The following ZNF12 variants were observed in gnomAD, a reference collection of about 807,000 sequenced individuals.
The protein encoded by ZNF12 is gonadotropin inducible transcription repressor 3.
ZNF12 carries 34 observed loss-of-function variants against 66.6 expected under a neutral mutation model. That is an observed-to-expected ratio of 0.51 (90% CI 0.39 to 0.68). ZNF12 has a LOEUF of 0.68. ZNF12 is among the 30% of genes least tolerant of loss of function. The pLI, the probability that ZNF12 is intolerant of heterozygous loss-of-function variation, is 0.00. For missense variants in ZNF12, 697 were observed against 826.9 expected (o/e 0.84, Z 1.93); for synonymous variants, 320 against 278.9 (o/e 1.15, Z -1.47).
rs934375400 is a variant in ZNF12, at chr7:6,698,126, C to T, written c.16-315G>A. The T allele has an allele frequency of 1.8e-6, 1 of 541,282 alleles. No individual in the cohort carries two copies. The highest frequency in any genetic ancestry group is 3.5e-6 in the Non-Finnish European group (1 of 285,342). 33.5% of individuals were successfully genotyped at this position (541,282 alleles called of 1,614,324 possible). ...AGGAGCACAGGCCTGGGGACACTCA[C>T]AGAACCCCAGGATGCACTCTGCTTC... On this transcript the variant is annotated intron_variant, in intron 2 of 4. Coordinates refer to ENST00000405858, the MANE Select transcript of ZNF12 (RefSeq NM_016265.4). The surrounding 1 kb of genome is among the most constrained non-coding windows in gnomAD (Gnocchi z 4.4).
Position 6,691,991 on chromosome 7 carries a change from T to C in ZNF12, c.951A>G (p.Arg317=), listed in dbSNP as rs1780076741. The stretch of plus-strand genomic sequence containing the variant: ...CATAGGGCTTCTCCCCTGTGTGTGT[T>C]CTCTGATGCACAGTAAGGGTTCCCT... ...CQKGTLTVHQ[R]THTGEKPYEC... Residue 317 remains arginine, a synonymous_variant, in exon 5 of 5, where the codon AGA becomes AGG. Transcript: ENST00000405858. 1 of 1,613,914 alleles carries C rather than the reference T, an allele frequency of 6.2e-7. No individual in the cohort carries two copies. The highest frequency in any genetic ancestry group is 8.5e-7 in the Non-Finnish European group (1 of 1,180,002).
intron 4 of ZNF12, among the ~76,000 whole-genome samples, chr7:6,694,981 T>C (rs760359687): frequency 7.2e-5 from 11 of 152,156 alleles, no homozygotes; most frequent in Non-Finnish European, 1.2e-4. Flanking sequence ...TGGAGTGCAG[T>C]GGTGCGATCT....
rs114915796 is a variant in ZNF12, at chr7:6,703,258, C to T, written c.15+1901G>A. Among the ~76,000 whole-genome samples the T allele has an allele frequency of 7.8e-3, 1,184 of 152,196 alleles. 13 individuals carry two copies. Among genetic ancestry groups the T allele is most frequent in the African/African-American group, 0.026 (1,074 of 41,518 alleles). ...AAGTGCTTTTCCCATGGGGGAAGCA[C>T]GATATGATGAACACTTCAGGAGAAA... is the stretch of plus-strand genomic sequence containing the variant. On this transcript the variant is annotated intron_variant, in intron 2 of 4. Coordinates refer to ENST00000405858, the MANE Select transcript of ZNF12 (RefSeq NM_016265.4).
In ZNF12 at chr7:6,696,398, A is replaced by T. The variant is rs1489875541; in HGVS notation, c.238+941T>A. 6.6e-6 allele frequency among the ~76,000 whole-genome samples: 1 copy of T among 152,218 alleles called. No homozygotes were observed. The highest frequency in any genetic ancestry group is 1.5e-5 in the Non-Finnish European group (1 of 68,032). On this transcript the variant is annotated intron_variant, in intron 4 of 4. Transcript: ENST00000405858. This position sits in a 1 kb window ranked among gnomAD's most constrained non-coding sequence, Gnocchi z 4.0. Reference sequence around the variant, plus strand: ...TATAATTTGGAATAGGTCATGATCAATTTCCAGGCCTGATGAGAACAAGAG... The same window carrying T: ...TATAATTTGGAATAGGTCATGATCATTTTCCAGGCCTGATGAGAACAAGAG...
Position 6,690,192 on chromosome 7 carries a change from T to C in ZNF12, c.*656A>G, listed in dbSNP as rs1375894457. On this transcript the variant is annotated 3_prime_UTR_variant, in exon 5 of 5. Transcript: ENST00000405858. ...CTTTATACCTATCAAATGATATTAA[T>C]GTAGTGCTGTTTAGAATACTCTTAC... 1 of 151,932 alleles carries C rather than the reference T, an allele frequency of 6.6e-6. No homozygotes were observed. The highest frequency in any genetic ancestry group is 2.1e-4 in the South Asian group (1 of 4,814). 9.4% of individuals were successfully genotyped at this position (151,932 alleles called of 1,614,324 possible).
rs59783256 is a variant in ZNF12, at chr7:6,700,336, C to CACACACACACACAT, written c.16-2526_16-2525insATGTGTGTGTGTGT. ...ACACACACACACACACACACACACA[C>CACACACACACACAT]ATATATATACATATGTGCCAGGGAC... is the stretch of plus-strand genomic sequence containing the variant. On this transcript the variant is annotated intron_variant, in intron 2 of 4. Transcript: ENST00000405858. 1.9e-3 allele frequency among the ~76,000 whole-genome samples: 272 copies of CACACACACACACAT among 143,032 alleles called. 1 individual carries two copies. The highest frequency in any genetic ancestry group is 7.1e-3 in the East Asian group (35 of 4,946). 93.8% of individuals were successfully genotyped at this position (143,032 alleles called of 152,430 possible).
In ZNF12 at chr7:6,706,710, C is replaced by A. The variant is rs550408336; in HGVS notation, c.-329G>T. ...CCCGGGTCCCGCCGCCCCTTCGCCT[C>A]CGCCGTCGTCACCGCCCGGCCGGCC... On this transcript the variant is annotated 5_prime_UTR_variant, in exon 1 of 5. Coordinates refer to ENST00000405858, the MANE Select transcript of ZNF12 (RefSeq NM_016265.4). 41 of 251,404 alleles carry A rather than the reference C, an allele frequency of 1.6e-4. No homozygotes were observed. The highest frequency in any genetic ancestry group is 1.4e-3 in the South Asian group (41 of 28,904). The allele number at this position is 251,404 out of a possible 1,614,324, so 15.6% of individuals were successfully genotyped here. A position where few individuals can be genotyped will look rare whatever the true frequency, so the allele number is the denominator to read the frequency against.
chr7:6,704,074 C>T (rs1180560004), intron 2 of ZNF12: 1 of 152,136 alleles, frequency 6.6e-6, no homozygotes, highest in African/African-American at 2.4e-5. Context: ...CACCTATAAT[C>T]CCAGCACTTT....
rs1036317422 is a variant in ZNF12 at position 6,690,055 on chromosome 7, G to A, written c.*793C>T. The A allele has an allele frequency of 1.3e-5, 2 of 152,130 alleles. No individual in the cohort carries two copies. Among genetic ancestry groups the A allele is most frequent in the Admixed American group, 1.3e-4 (2 of 15,260 alleles). 9.4% of individuals were successfully genotyped at this position (152,130 alleles called of 1,614,324 possible). A position where few individuals can be genotyped will look rare whatever the true frequency, so the allele number is the denominator to read the frequency against. ...TACATGGATATTTATCTCTCTGGCT[G>A]ACTCAGATACAGTTGAAAACATTAT... is the stretch of plus-strand genomic sequence containing the variant. On this transcript the variant is annotated 3_prime_UTR_variant, in exon 5 of 5. Coordinates refer to ENST00000405858, the MANE Select transcript of ZNF12 (RefSeq NM_016265.4).
rs577447600 is a variant in ZNF12 at position 6,701,901 on chromosome 7, C to G, written c.15+3258G>C. ...AAAAATCCTTTCTTAACCTCAACTCCTATTCCTGCTACTATCCAATTTCTC... is the reference window on the plus strand; with the variant it reads ...AAAAATCCTTTCTTAACCTCAACTCGTATTCCTGCTACTATCCAATTTCTC... On this transcript the variant is annotated intron_variant, in intron 2 of 4. Coordinates refer to ENST00000405858, the MANE Select transcript of ZNF12 (RefSeq NM_016265.4). Among the ~76,000 whole-genome samples, 9 of 151,250 alleles carry G rather than the reference C, an allele frequency of 6.0e-5. No individual in the cohort carries two copies. The South Asian group carries it at 1.9e-3, about 32-fold the overall frequency.
chr7:6,697,885 G>T lies in ZNF12; in HGVS notation c.16-74C>A. The T allele has an allele frequency of 1.9e-6, 3 of 1,548,702 alleles. No individual in the cohort carries two copies. ...GGTACAAGATCTTAGCATGCTCACT[G>T]GCAAAATTAACCATGAACACTGTAT... On this transcript the variant is annotated intron_variant, in intron 2 of 4. Coordinates refer to ENST00000405858, the MANE Select transcript of ZNF12 (RefSeq NM_016265.4). This position sits in a 1 kb window ranked among gnomAD's most constrained non-coding sequence, Gnocchi z 6.1.
At position 6,697,228 on chromosome 7, in the gene ZNF12, G is replaced by C. The variant is rs1182944079; in HGVS notation, c.238+111C>G. The C allele has an allele frequency of 1.4e-5, 10 of 735,906 alleles. No individual in the cohort carries two copies. Among genetic ancestry groups the C allele is most frequent in the Non-Finnish European group, 2.0e-5 (9 of 458,538 alleles). The allele number at this position is 735,906 out of a possible 1,614,324, so 45.6% of individuals were successfully genotyped here. On this transcript the variant is annotated intron_variant, in intron 4 of 4. Coordinates refer to ENST00000405858, the MANE Select transcript of ZNF12 (RefSeq NM_016265.4). The surrounding 1 kb of genome is among the most constrained non-coding windows in gnomAD (Gnocchi z 6.1). ...TTTGGGAGTGAGATTCAGGTTCATA[G>C]AGCATATAAGCAACTATTTCTAGTC...
chr7:6,705,882 G>GTGCT lies in ZNF12; in HGVS notation c.-51+546_-51+549dup, dbSNP rs1459513783. On this transcript the variant is annotated intron_variant, in intron 1 of 4. Coordinates refer to ENST00000405858, the MANE Select transcript of ZNF12 (RefSeq NM_016265.4). The surrounding 1 kb of genome is among the most constrained non-coding windows in gnomAD (Gnocchi z 4.0). Reference sequence around the variant, plus strand: ...AGTCTTTATTTGCAGAAACTTCAGTGTGCTACTCAAAAGGATCTTTTATTG... The same window carrying GTGCT: ...AGTCTTTATTTGCAGAAACTTCAGTGTGCTTGCTACTCAAAAGGATCTTTTATTG... Among the ~76,000 whole-genome samples, 1 of 152,190 alleles carries GTGCT rather than the reference G, an allele frequency of 6.6e-6. No homozygotes were observed. The highest frequency in any genetic ancestry group is 1.9e-4 in the East Asian group (1 of 5,208).
chr7:6,700,304 T>TACACACACACAC (rs71539972), intron 2 of ZNF12, among the ~76,000 whole-genome samples: 7,553 of 128,238 alleles, frequency 0.059, 216 homozygotes, highest in Non-Finnish European at 0.077. Context: ...AAAAAAAATA[T>TACACACACACAC]ACACACACAC....
chr7:6,688,467 A>G lies in ZNF12; in HGVS notation c.*2381T>C, dbSNP rs1249121556. 1.3e-5 allele frequency: 2 copies of G among 152,238 alleles called. No individual in the cohort carries two copies. Among genetic ancestry groups the G allele is most frequent in the Non-Finnish European group, 2.9e-5 (2 of 68,034 alleles). 9.4% of individuals were successfully genotyped at this position (152,238 alleles called of 1,614,324 possible). A position where few individuals can be genotyped will look rare whatever the true frequency, so the allele number is the denominator to read the frequency against. ...TTCAAATATTTTACTGAAAATGCAT[A>G]TTGTACAATTAATGTATAATGACAC... On this transcript the variant is annotated 3_prime_UTR_variant, in exon 5 of 5. Coordinates refer to ENST00000405858, the MANE Select transcript of ZNF12 (RefSeq NM_016265.4). The surrounding 1 kb of genome is among the most constrained non-coding windows in gnomAD (Gnocchi z 4.3).
Position 6,697,414 on chromosome 7 carries a change from C to T in ZNF12, c.163G>A (p.Asp55Asn). ...VSVGYHIIKP[D>N]VISKLEQGEE... The stretch of plus-strand genomic sequence containing the variant: ...CCTTGCTCCAACTTGCTGATAACAT[C>T]CGGTTTGATAATGTGATACCCTGTT... The change falls in exon 4 of 5, where the codon GAT (aspartate) becomes AAT (asparagine). Residue 55 changes from aspartate to asparagine, a missense_variant. Around this residue, in one of 3 missense-constraint regions of ZNF12, gnomAD observed 55 missense variants for 83.9 expected, o/e 0.66. Coordinates refer to ENST00000405858, the MANE Select transcript of ZNF12 (RefSeq NM_016265.4). The surrounding 1 kb of genome is among the most constrained non-coding windows in gnomAD (Gnocchi z 6.1). The T allele has an allele frequency of 1.2e-6, 2 of 1,612,398 alleles. No individual in the cohort carries two copies. The highest frequency in any genetic ancestry group is 1.7e-6 in the Non-Finnish European group (2 of 1,179,298).
intron 2 of ZNF12, among the ~76,000 whole-genome samples, chr7:6,703,552 AAG>A (rs1247256736): frequency 6.6e-6 from 1 of 152,196 alleles, no homozygotes; most frequent in Non-Finnish European, 1.5e-5. Flanking sequence ...CAATAGGAAC[AAG>A]AGAAGGCATA....
Position 6,692,208 on chromosome 7 carries a change from C to G in ZNF12, c.734G>C (p.Gly245Ala). The change falls in exon 5 of 5, where the codon GGA becomes GCA. Residue 245 changes from glycine (G) to alanine (A), a missense_variant. By Grantham distance (60) the Gly-to-Ala change is moderately conservative. Around this residue, in one of 3 missense-constraint regions of ZNF12, gnomAD observed 241 missense variants for 224.0 expected, o/e 1.08. Coordinates refer to ENST00000405858, the MANE Select transcript of ZNF12 (RefSeq NM_016265.4). This position sits in a 1 kb window ranked among gnomAD's most constrained non-coding sequence, Gnocchi z 5.1. ...HMEEKPYKWN[G>A]SEIAFLQMSD... ...CATCTGGAGAAAGGCTATTTCAGATCCATTCCACTTATAGGGCTTTTCTTC... is the reference window on the plus strand; with the variant it reads ...CATCTGGAGAAAGGCTATTTCAGATGCATTCCACTTATAGGGCTTTTCTTC... The G allele has an allele frequency of 6.2e-7, 1 of 1,614,008 alleles. No homozygotes were observed. Among genetic ancestry groups the G allele is most frequent in the East Asian group, 2.2e-5 (1 of 44,880 alleles).
chr7:6,696,337 T>G lies in ZNF12; in HGVS notation c.238+1002A>C, dbSNP rs996039241. On this transcript the variant is annotated intron_variant, in intron 4 of 4. Transcript: ENST00000405858. This position sits in a 1 kb window ranked among gnomAD's most constrained non-coding sequence, Gnocchi z 4.0. ...AGAAGAAGAAGAGATTAGTATAGTTTAGTAAATAAAGGGAGGTGGAAAGGT... is the reference window on the plus strand; with the variant it reads ...AGAAGAAGAAGAGATTAGTATAGTTGAGTAAATAAAGGGAGGTGGAAAGGT... Among the ~76,000 whole-genome samples the G allele has an allele frequency of 1.3e-5, 2 of 152,208 alleles. No individual in the cohort carries two copies. The highest frequency in any genetic ancestry group is 2.9e-5 in the Non-Finnish European group (2 of 68,048).
Sources: allele counts gnomAD v4.1 joint callset (sites outside exome capture counted in the v4.1 genomes callset), GRCh38; gene constraint gnomAD v4.1.1; regional missense constraint gnomAD v4.1.1; non-coding constraint Gnocchi (gnomAD v3.1); transcripts MANE v1.5; gene names NCBI Gene and HGNC (gene_info 2026-07-23, HGNC 2026-07-21).